Variants in PDZD2 observed in about 807,000 individuals in gnomAD.
The protein encoded by PDZD2 is PDZ domain-containing protein 2.
In PDZD2, 90 loss-of-function variants were observed where a neutral mutation model predicts 220.7. That is an observed-to-expected ratio of 0.41 (90% confidence interval 0.34 to 0.49). The LOEUF is 0.49. Among genes scored for constraint, PDZD2 ranks in the 20% least tolerant of loss-of-function variants. The probability of loss-of-function intolerance (pLI) is 0.28; values close to 1 mark genes in which losing one functional copy is unlikely to be tolerated. For synonymous variants in PDZD2, 1,375 were observed against 1,450.5 expected (o/e 0.95, Z 1.18); for missense variants, 3,174 against 3,608.5 (o/e 0.88, Z 3.08).
intron 2 of PDZD2, among the ~76,000 whole-genome samples, chr5:31,824,586 T>C (rs1756098876): frequency 6.6e-6 from 1 of 152,082 alleles, no homozygotes; most frequent in Admixed American, 6.6e-5. Flanking sequence ...TTGATCCTTT[T>C]GTAGTTCGTG....
At chr5:31,852,013 C>A (rs1038264912) in intron 2 of PDZD2, among the ~76,000 whole-genome samples, 2 of 152,166 alleles carry the variant, frequency 1.3e-5, no homozygotes, top group South Asian at 4.2e-4. Context: ...CCCACCACCA[C>A]ACCTGGCTAA....
chr5:31,843,136 C>T (rs1757410419), intron 2 of PDZD2, among the ~76,000 whole-genome samples: 1 of 152,184 alleles, frequency 6.6e-6, no homozygotes, highest in Middle Eastern at 3.4e-3. Context: ...CCGCCTTGGC[C>T]TCCCAAAATG....
intron 1 of PDZD2, among the ~76,000 whole-genome samples, 178 bp from the exon 2 acceptor site, chr5:31,798,711 T>C (rs1754194317): frequency 6.6e-6 from 1 of 151,900 alleles, no homozygotes; most frequent in South Asian, 2.1e-4. Context: ...GAGAAGGGAG[T>C]GTCCATACAG....
rs1054906914 is a variant in PDZD2 at position 31,855,142 on chromosome 5, C to T, written c.476+55418C>T. ...ACTCCCAGGAGCTCCGGAGAGGAAC[C>T]CTCCGAAGGTGACTTCAGAACTGGA... On this transcript the variant is annotated intron_variant, in intron 2 of 24. Coordinates refer to ENST00000438447, the MANE Select transcript of PDZD2 (RefSeq NM_178140.4). The T allele has an allele frequency of 7.5e-5, 74 of 982,650 alleles. No homozygotes were observed. In the Middle Eastern group the frequency reaches 1.6e-3, roughly 21 times the overall value. The allele number at this position is 982,650 out of a possible 1,614,324, so 60.9% of individuals were successfully genotyped here.
intron 1 of PDZD2, among the ~76,000 whole-genome samples, chr5:31,734,041 G>A (rs1749695928): frequency 6.6e-6 from 1 of 152,144 alleles, no homozygotes; most frequent in Non-Finnish European, 1.5e-5. Flanking sequence ...CTGACCAGCT[G>A]TAAAATCAGA....
chr5:31,758,324 C>T (rs1459800345), intron 1 of PDZD2, among the ~76,000 whole-genome samples: 1 of 152,170 alleles, frequency 6.6e-6, no homozygotes, highest in African/African-American at 2.4e-5. Context: ...GGAAAGAGTG[C>T]CGATGGCACT....
At chr5:31,770,900 A>AT (rs1752303137) in intron 1 of PDZD2, among the ~76,000 whole-genome samples, 1 of 148,712 alleles carries the variant, frequency 6.7e-6, no homozygotes, top group South Asian at 2.1e-4. Context: ...TTTCCCTTCT[A>AT]TTTTTCATTT....
chr5:32,032,680 T>C (rs1382403702), intron 6 of PDZD2, among the ~76,000 whole-genome samples: 1 of 152,232 alleles, frequency 6.6e-6, no homozygotes, highest in Non-Finnish European at 1.5e-5. Context: ...CCTGTCATGT[T>C]AGTGTGGTTT....
intron 1 of PDZD2, among the ~76,000 whole-genome samples, chr5:31,763,965 G>T (rs1426037765): frequency 1.3e-5 from 2 of 151,724 alleles, no homozygotes; most frequent in African/African-American, 4.9e-5. Context: ...AAATAGCTAA[G>T]CCCAGAAGGT....
intron 2 of PDZD2, among the ~76,000 whole-genome samples, chr5:31,871,226 T>C (rs776726465): frequency 6.6e-6 from 1 of 152,180 alleles, no homozygotes; most frequent in Non-Finnish European, 1.5e-5. Context: ...TCTAATAATA[T>C]AGATTCTTTC....
intron 2 of PDZD2, among the ~76,000 whole-genome samples, chr5:31,829,647 C>T (rs915748264): frequency 4.6e-5 from 7 of 152,032 alleles, no homozygotes; most frequent in African/African-American, 1.4e-4. Flanking sequence ...TTAACCATCA[C>T]CCAAACTGAG....
intron 1 of PDZD2, among the ~76,000 whole-genome samples, chr5:31,672,482 C>A (rs1051066049): frequency 6.6e-6 from 1 of 152,222 alleles, no homozygotes; most frequent in African/African-American, 2.4e-5. Context: ...GCTGCTGCTT[C>A]TCTTCCCCTG....
chr5:31,753,454 GCTGGGCA>G (rs1182407724), intron 1 of PDZD2, among the ~76,000 whole-genome samples: 1 of 152,156 alleles, frequency 6.6e-6, no homozygotes, highest in Non-Finnish European at 1.5e-5. Context: ...ACAAAAATTA[GCTGGGCA>G]TAGTGGCACG....
At chr5:32,106,634 C>G (rs1041605077) in intron 24 of PDZD2, 1 of 152,216 alleles carries the variant, frequency 6.6e-6, no homozygotes, top group African/African-American at 2.4e-5. Flanking sequence ...CTTCAGTGTG[C>G]GTCAGGCTGT....
intron 1 of PDZD2, among the ~76,000 whole-genome samples, chr5:31,737,227 C>T (rs1254631043): frequency 3.2e-5 from 4 of 126,640 alleles, no homozygotes; most frequent in Non-Finnish European, 4.6e-5. Flanking sequence ...GGCTGGAGTG[C>T]AGTGGCGCCA....
At chr5:31,919,730 A>AAAAAC (rs3037134) in intron 2 of PDZD2, among the ~76,000 whole-genome samples, 1 of 140,142 alleles carries the variant, frequency 7.1e-6, no homozygotes. Flanking sequence ...AAAAAAAAAA[A>AAAAAC]GGCCAGGCAC....
At position 32,092,896 on chromosome 5, in the gene PDZD2, ATAT is replaced by A. The variant is rs1353056009; in HGVS notation, c.7728-6_7728-4del. On this transcript the variant is annotated splice_polypyrimidine_tract_variant and splice_region_variant and intron_variant, in intron 20 of 24. Coordinates refer to ENST00000438447, the MANE Select transcript of PDZD2 (RefSeq NM_178140.4). ...TCTTTAATGTTCTTCAAATATATTT[ATAT>A]TATTTAGTTTGGATCAACTTCTAGT... The A allele has an allele frequency of 1.5e-6, 2 of 1,320,872 alleles. No homozygotes were observed. Among genetic ancestry groups the A allele is most frequent in the African/African-American group, 1.5e-5 (1 of 67,610 alleles). 81.8% of individuals were successfully genotyped at this position (1,320,872 alleles called of 1,614,324 possible). A position where few individuals can be genotyped will look rare whatever the true frequency, so the allele number is the denominator to read the frequency against.
chr5:31,948,814 T>G (rs1251049571), intron 2 of PDZD2, among the ~76,000 whole-genome samples: 1 of 152,010 alleles, frequency 6.6e-6, no homozygotes, highest in Non-Finnish European at 1.5e-5. Context: ...ATAAATTGTT[T>G]TAGGCTGGGT....
intron 2 of PDZD2, among the ~76,000 whole-genome samples, chr5:31,821,710 G>A (rs1755874526): frequency 2.0e-5 from 3 of 152,032 alleles, no homozygotes; most frequent in Admixed American, 1.3e-4. Flanking sequence ...TTAAGTTCTG[G>A]GATATGGGTG....
Sources: gnomAD v4.1 joint callset for allele counts (sites outside exome capture counted in the v4.1 genomes callset) on GRCh38, gnomAD v4.1.1 for gene constraint, MANE v1.5 for transcripts, NCBI Gene and HGNC (gene_info 2026-07-23, HGNC 2026-07-21) for gene names.